Variants in PAPSS1 observed in about 807,000 individuals in gnomAD.
PAPSS1 encodes the protein 3'-phosphoadenosine 5'-phosphosulfate synthase 1.
A neutral mutation model predicts 72.0 loss-of-function variants in PAPSS1; 50 were observed. The ratio of observed to expected loss-of-function variants is 0.69; its 90% CI spans 0.55 to 0.88. The LOEUF (loss-of-function observed/expected upper bound fraction) is 0.88, where lower values mean the gene tolerates loss of function less well. Among genes scored for constraint, PAPSS1 ranks in the 40% least tolerant of loss-of-function variants. The probability of loss-of-function intolerance (pLI) is 0.00; values close to 1 mark genes in which losing one functional copy is unlikely to be tolerated. For missense variants in PAPSS1, 657 were observed against 782.2 expected (o/e 0.84, Z 1.91); for synonymous variants, 261 against 263.6 (o/e 0.99, Z 0.09).
intron 7 of PAPSS1, among the ~76,000 whole-genome samples, chr4:107,655,710 A>G (rs1726988552): frequency 6.6e-6 from 1 of 152,230 alleles, no homozygotes; most frequent in Non-Finnish European, 1.5e-5. Flanking sequence ...AGTAATGATA[A>G]CTGCTTGGCT....
intron 10 of PAPSS1, among the ~76,000 whole-genome samples, chr4:107,632,985 G>A (rs1462249786): frequency 6.6e-6 from 1 of 152,168 alleles, no homozygotes; most frequent in Non-Finnish European, 1.5e-5. Context: ...AAGTGCAATA[G>A]TAAGAGTGCA....
intron 1 of PAPSS1, among the ~76,000 whole-genome samples, chr4:107,702,138 A>C (rs1433890790): frequency 1.3e-5 from 2 of 152,210 alleles, no homozygotes; most frequent in Admixed American, 6.5e-5. Context: ...ATAAGGTATC[A>C]CTTTGCACCC....
chr4:107,688,842 G>A (rs1429559258), intron 3 of PAPSS1, among the ~76,000 whole-genome samples: 4 of 152,054 alleles, frequency 2.6e-5, no homozygotes, highest in Non-Finnish European at 4.4e-5. Context: ...TATATCACAG[G>A]TGCCAAAAAC....
chr4:107,642,074 A>G (rs958027141), intron 10 of PAPSS1, among the ~76,000 whole-genome samples: 1 of 152,180 alleles, frequency 6.6e-6, no homozygotes, highest in African/African-American at 2.4e-5. Context: ...TTAAGAATAC[A>G]TATTATACAA....
At chr4:107,663,100 C>T (rs555729518) in intron 5 of PAPSS1, among the ~76,000 whole-genome samples, 1 of 152,230 alleles carries the variant, frequency 6.6e-6, no homozygotes, top group South Asian at 2.1e-4. Context: ...AAGTCAGGCA[C>T]TCATTAGGAC....
At position 107,656,279 on chromosome 4, in the gene PAPSS1, C is replaced by CT; in HGVS notation, c.895+616dup. Among the ~76,000 whole-genome samples the CT allele has an allele frequency of 2.0e-5, 3 of 152,186 alleles. No individual in the cohort carries two copies. In the South Asian group the frequency reaches 6.2e-4, roughly 32 times the overall value. On this transcript the variant is annotated intron_variant, in intron 7 of 11. Transcript: ENST00000265174. ...TAGAGGCACACACCACCACACCTAGCTAAGTTTTGTATTCTTAGTAGAGAT... is the reference window on the plus strand; with the variant it reads ...TAGAGGCACACACCACCACACCTAGCTTAAGTTTTGTATTCTTAGTAGAGAT...
At chr4:107,677,395 C>G (rs1179392587) in intron 5 of PAPSS1, among the ~76,000 whole-genome samples, 1 of 152,196 alleles carries the variant, frequency 6.6e-6, no homozygotes, top group Non-Finnish European at 1.5e-5. Flanking sequence ...AGGCACTTCT[C>G]AAAAGAAGAC....
chr4:107,653,924 C>T (rs1726927662), intron 8 of PAPSS1, among the ~76,000 whole-genome samples: 1 of 152,202 alleles, frequency 6.6e-6, no homozygotes, highest in Admixed American at 6.5e-5. Flanking sequence ...CATTTATTAA[C>T]AGAACAATTT....
At position 107,614,268 on chromosome 4, in the gene PAPSS1, T is replaced by G. The variant is rs1227047230; in HGVS notation, c.1856A>C (p.Lys619Thr). The change falls in exon 12 of 12, where the codon AAA becomes ACA. Residue 619 changes from lysine (K) to threonine (T), a missense_variant. Around this residue, in one of 7 missense-constraint regions of PAPSS1, gnomAD observed 103 missense variants for 93.8 expected, o/e 1.10. Transcript: ENST00000265174. ...KAWTVLTEYY[K>T]SLEKA ...AACAGCCTAAGCTTTCTCCAAGGATTTGTAGTATTCTGTCAGCACGGTCCA... is the reference window on the plus strand; with the variant it reads ...AACAGCCTAAGCTTTCTCCAAGGATGTGTAGTATTCTGTCAGCACGGTCCA... 9 of 1,613,654 alleles carry G rather than the reference T, an allele frequency of 5.6e-6. No individual in the cohort carries two copies. Among genetic ancestry groups the G allele is most frequent in the Non-Finnish European group, 7.6e-6 (9 of 1,179,722 alleles).
intron 3 of PAPSS1, among the ~76,000 whole-genome samples, chr4:107,693,425 T>C (rs1722993310): frequency 6.6e-6 from 1 of 152,204 alleles, no homozygotes; most frequent in South Asian, 2.1e-4. Context: ...GTTAAGAAAG[T>C]TAGATTTTCT....
chr4:107,701,536 T>C (rs977647303), intron 1 of PAPSS1, among the ~76,000 whole-genome samples: 3 of 152,112 alleles, frequency 2.0e-5, no homozygotes, highest in Admixed American at 6.5e-5. Flanking sequence ...AGATTTTAAA[T>C]CTGAAAAATG....
intron 4 of PAPSS1, among the ~76,000 whole-genome samples, chr4:107,684,253 C>T (rs990189479): frequency 1.3e-5 from 2 of 152,200 alleles, no homozygotes; most frequent in Admixed American, 1.3e-4. Flanking sequence ...ATCTAAGGGG[C>T]CTGGGGAGTC....
At chr4:107,668,471 T>C (rs1183582736) in intron 5 of PAPSS1, among the ~76,000 whole-genome samples, 4 of 152,132 alleles carry the variant, frequency 2.6e-5, no homozygotes, top group African/African-American at 9.7e-5. Context: ...TGTGAGGGCG[T>C]TGCCAAAGGA....
intron 4 of PAPSS1, among the ~76,000 whole-genome samples, chr4:107,684,497 C>T (rs1722722064): frequency 1.3e-5 from 2 of 152,012 alleles, no homozygotes; most frequent in African/African-American, 4.8e-5. Flanking sequence ...TTTTTTTCTT[C>T]CAGACCCTCC....
intron 1 of PAPSS1, among the ~76,000 whole-genome samples, chr4:107,707,105 T>C (rs1723357894): frequency 6.6e-6 from 1 of 152,182 alleles, no homozygotes; most frequent in Non-Finnish European, 1.5e-5. Context: ...TCCTGAAACC[T>C]TGGATCTCTT....
chr4:107,653,883 T>C (rs981746364), intron 8 of PAPSS1, among the ~76,000 whole-genome samples: 8 of 152,224 alleles, frequency 5.3e-5, no homozygotes, highest in Non-Finnish European at 1.0e-4. Context: ...CCTTTTCAAG[T>C]AACAAAAACA....
chr4:107,708,462 G>A (rs1411961294), intron 1 of PAPSS1, among the ~76,000 whole-genome samples: 1 of 152,132 alleles, frequency 6.6e-6, no homozygotes, highest in South Asian at 2.1e-4. Context: ...TTTTGTTTGA[G>A]GATTTTTCCA....
intron 1 of PAPSS1, among the ~76,000 whole-genome samples, chr4:107,719,112 A>T (rs1022981229): frequency 6.6e-6 from 1 of 152,134 alleles, no homozygotes; most frequent in East Asian, 1.9e-4. Flanking sequence ...AGGAATCAGT[A>T]AACAACTCAT....
chr4:107,672,740 T>C (rs894215964), intron 5 of PAPSS1, among the ~76,000 whole-genome samples: 3 of 152,188 alleles, frequency 2.0e-5, no homozygotes, highest in Non-Finnish European at 4.4e-5. Flanking sequence ...AGCATGCAGC[T>C]GGAGATCTGA....
Sources: gnomAD v4.1 joint callset for allele counts (sites outside exome capture counted in the v4.1 genomes callset) on GRCh38, gnomAD v4.1.1 for gene constraint, gnomAD v4.1.1 regional missense constraint, MANE v1.5 for transcripts, NCBI Gene and HGNC (gene_info 2026-07-23, HGNC 2026-07-21) for gene names.